Variants in FRAS1 observed in about 807,000 individuals in gnomAD.
The protein encoded by FRAS1 is Fraser extracellular matrix complex subunit 1.
FRAS1 carries 290 observed loss-of-function variants against 435.2 expected under a neutral mutation model. That is an observed-to-expected ratio of 0.67 (90% CI 0.61 to 0.73). The LOEUF (loss-of-function observed/expected upper bound fraction) is 0.73. Ranked by LOEUF, FRAS1 falls within the 30% of genes least tolerant of loss-of-function variation. The probability of loss-of-function intolerance (pLI) is 0.00; values close to 1 mark genes in which losing one functional copy is unlikely to be tolerated. For synonymous variants in FRAS1, 1,800 were observed against 1,851.0 expected (o/e 0.97, Z 0.71); for missense variants, 4,860 against 5,001.5 (o/e 0.97, Z 0.85).
chr4:78,190,817 C>T (rs1213254308), intron 2 of FRAS1, among the ~76,000 whole-genome samples: 1 of 152,206 alleles, frequency 6.6e-6, no homozygotes, highest in Non-Finnish European at 1.5e-5. Flanking sequence ...ATTGTTTACA[C>T]TGCCAAATTC....
chr4:78,176,746 A>G (rs1721793107), intron 2 of FRAS1, among the ~76,000 whole-genome samples: 1 of 152,236 alleles, frequency 6.6e-6, no homozygotes, highest in African/African-American at 2.4e-5. Flanking sequence ...GAATGTGTTG[A>G]GTAGAAGTTT....
rs144192123 is a variant in FRAS1 at position 78,104,391 on chromosome 4, T to C, written c.108+38375T>C. ...AGTTAGAAAACACAACCTTGGCAGA[T>C]GGGTGGGGAAGAGGGAGATCTGATG... On this transcript the variant is annotated intron_variant, in intron 2 of 73. Transcript: ENST00000512123. 3.9e-5 allele frequency among the ~76,000 whole-genome samples: 6 copies of C among 152,328 alleles called. No individual in the cohort carries two copies. In the East Asian group the frequency reaches 1.2e-3, roughly 29 times the overall value.
intron 57 of FRAS1, 108 bp from the exon 58 acceptor site, chr4:78,482,280 T>A: frequency 7.8e-7 from 1 of 1,278,246 alleles, no homozygotes; most frequent in Non-Finnish European, 1.1e-6. Context: ...TAGAAAATCT[T>A]ACTTTAAAAC....
At chr4:78,510,940 A>G (rs1393032486) in intron 63 of FRAS1, among the ~76,000 whole-genome samples, 1 of 152,194 alleles carries the variant, frequency 6.6e-6, no homozygotes, top group East Asian at 1.9e-4. Flanking sequence ...TCTTGCTAGA[A>G]GCCTGAATAA....
At chr4:78,119,253 C>T (rs533506188) in intron 2 of FRAS1, among the ~76,000 whole-genome samples, 16 of 152,132 alleles carry the variant, frequency 1.1e-4, no homozygotes, top group Non-Finnish European at 2.1e-4. Context: ...TGTAGTCATC[C>T]TACAGTGATA....
chr4:78,456,119 A>T (rs1409403341), intron 47 of FRAS1, among the ~76,000 whole-genome samples: 1 of 149,290 alleles, frequency 6.7e-6, no homozygotes, highest in Admixed American at 6.7e-5. Context: ...TAGGAGCATT[A>T]CTTGAAGAAC....
rs146217585 is a variant in FRAS1, at chr4:78,389,092, A to G, written c.3975+1391A>G. Among the ~76,000 whole-genome samples the G allele has an allele frequency of 3.4e-3, 520 of 152,322 alleles. 3 individuals are homozygous for G. The highest frequency in any genetic ancestry group is 0.012 in the African/African-American group (485 of 41,582). On this transcript the variant is annotated intron_variant, in intron 29 of 73. Coordinates refer to ENST00000512123, the MANE Select transcript of FRAS1 (RefSeq NM_025074.7). The stretch of plus-strand genomic sequence containing the variant: ...AATGTTCTTGGACACTGCAAATGAG[A>G]TGGCTCTCACACTTTAGGAAATACT...
chr4:78,507,196 G>A (rs1720871874), intron 61 of FRAS1, among the ~76,000 whole-genome samples: 1 of 152,240 alleles, frequency 6.6e-6, no homozygotes, highest in Admixed American at 6.5e-5. Context: ...GTGTTGAACA[G>A]TAAATCTGCA....
At chr4:78,066,381 C>G (rs139582011) in intron 2 of FRAS1, among the ~76,000 whole-genome samples, 12 of 152,040 alleles carry the variant, frequency 7.9e-5, no homozygotes, top group African/African-American at 2.4e-4. Flanking sequence ...CACTTTGAAC[C>G]CTTCTCCAAA....
intron 14 of FRAS1, among the ~76,000 whole-genome samples, chr4:78,290,246 T>C (rs1382652694): frequency 6.6e-6 from 1 of 152,214 alleles, no homozygotes; most frequent in Non-Finnish European, 1.5e-5. Flanking sequence ...ATTTAGCCCA[T>C]TTTTATACGT....
At chr4:78,092,134 G>A (rs1273232112) in intron 2 of FRAS1, among the ~76,000 whole-genome samples, 1 of 152,050 alleles carries the variant, frequency 6.6e-6, no homozygotes, top group Non-Finnish European at 1.5e-5. Flanking sequence ...GAGAAGTGTA[G>A]AGTAGTGGAA....
At position 78,154,004 on chromosome 4, in the gene FRAS1, C is replaced by T. The variant is rs756685109; in HGVS notation, c.109-83506C>T. Among the ~76,000 whole-genome samples, 11 of 151,498 alleles carry T rather than the reference C, an allele frequency of 7.3e-5. No homozygotes were observed. In the East Asian group the frequency reaches 7.7e-4, roughly 11 times the overall value. On this transcript the variant is annotated intron_variant, in intron 2 of 73. Coordinates refer to ENST00000512123, the MANE Select transcript of FRAS1 (RefSeq NM_025074.7). ...TTGTTCAGCAGAATTTTTTTTCTGTCGAAAATTTTTGTTCAGCAGAAATTT... is the reference window on the plus strand; with the variant it reads ...TTGTTCAGCAGAATTTTTTTTCTGTTGAAAATTTTTGTTCAGCAGAAATTT...
chr4:78,090,733 TCTA>T (rs1202918376), intron 2 of FRAS1, among the ~76,000 whole-genome samples: 1 of 152,208 alleles, frequency 6.6e-6, no homozygotes, highest in Non-Finnish European at 1.5e-5. Context: ...GATTTTTTTT[TCTA>T]CAAGTCGACA....
At chr4:78,063,672 G>A (rs1284217117) in intron 1 of FRAS1, among the ~76,000 whole-genome samples, 1 of 152,080 alleles carries the variant, frequency 6.6e-6, no homozygotes, top group Non-Finnish European at 1.5e-5. Flanking sequence ...GTTTATCATG[G>A]CTATCTAAAC....
rs971701874 is a variant in FRAS1 at position 78,463,736 on chromosome 4, A to G, written c.6764-285A>G. Among the ~76,000 whole-genome samples the G allele has an allele frequency of 3.3e-5, 5 of 152,224 alleles. No homozygotes were observed. The South Asian group carries it at 8.3e-4, about 25-fold the overall frequency. On this transcript the variant is annotated intron_variant, in intron 47 of 73. Coordinates refer to ENST00000512123, the MANE Select transcript of FRAS1 (RefSeq NM_025074.7). ...GCTCTACCTTTCACAAATTTTACCT[A>G]CATACATAAAACCCAAGAAAAAGAA...
chr4:78,481,908 G>A lies in FRAS1; in HGVS notation c.8548G>A (p.Val2850Ile). ...PSDPASATPG[V>I]DYVPSSRKVE... ...AGACCCAGCTTCTGCCACACCAGGAGTTGACTACGTTCCCAGCTCTCGGAA... is the reference window on the plus strand; with the variant it reads ...AGACCCAGCTTCTGCCACACCAGGAATTGACTACGTTCCCAGCTCTCGGAA... The change falls in exon 57 of 74, where the codon GTT (valine) becomes ATT (isoleucine). Residue 2850 changes from valine to isoleucine, a missense_variant. Coordinates refer to ENST00000512123, the MANE Select transcript of FRAS1 (RefSeq NM_025074.7). 2 of 1,613,886 alleles carry A rather than the reference G, an allele frequency of 1.2e-6. No homozygotes were observed. The highest frequency in any genetic ancestry group is 1.7e-6 in the Non-Finnish European group (2 of 1,179,844).
intron 14 of FRAS1, among the ~76,000 whole-genome samples, chr4:78,302,939 A>C (rs1369127493): frequency 3.9e-5 from 6 of 152,254 alleles, no homozygotes; most frequent in South Asian, 2.1e-4. Context: ...GCCCATGCCT[A>C]TGTCCTGAAT....
chr4:78,537,241 TTGAGC>T, intron 72 of FRAS1, 41 bp downstream of exon 72: 1 of 1,567,280 alleles, frequency 6.4e-7, no homozygotes, highest in South Asian at 1.2e-5. Context: ...GAGCAGACAC[TTGAGC>T]AGATTTCCTC....
chr4:78,299,235 G>T (rs1254813541), intron 14 of FRAS1, among the ~76,000 whole-genome samples: 1 of 152,134 alleles, frequency 6.6e-6, no homozygotes, highest in Non-Finnish European at 1.5e-5. Flanking sequence ...CTCAGTTTGT[G>T]GGGGGCCTGA....
Sources: allele counts gnomAD v4.1 joint callset (sites outside exome capture counted in the v4.1 genomes callset), GRCh38; gene constraint gnomAD v4.1.1; transcripts MANE v1.5; gene names NCBI Gene and HGNC (gene_info 2026-07-23, HGNC 2026-07-21).